The following ITFG1 variants were observed in gnomAD, a reference collection of about 807,000 sequenced individuals.
ITFG1 encodes the protein T-cell immunomodulatory protein.
In ITFG1, 34 loss-of-function variants were observed where a neutral mutation model predicts 81.8. That is an observed-to-expected ratio of 0.42 (90% CI 0.32 to 0.55). The LOEUF (loss-of-function observed/expected upper bound fraction) is 0.55, where lower values mean the gene tolerates loss of function less well. Among genes scored for constraint, ITFG1 ranks in the 20% least tolerant of loss-of-function variants. The pLI, the probability that ITFG1 is intolerant of heterozygous loss-of-function variation, is 0.17. For synonymous variants in ITFG1, 285 were observed against 270.6 expected (o/e 1.05, Z -0.52); for missense variants, 672 against 755.4 (o/e 0.89, Z 1.29).
intron 6 of ITFG1, among the ~76,000 whole-genome samples, chr16:47,376,198 CT>C (rs1026268782): frequency 5.9e-5 from 9 of 151,876 alleles, no homozygotes; most frequent in African/African-American, 2.2e-4. Context: ...ATGTGTCGCA[CT>C]TTTTTTAAAT....
intron 8 of ITFG1, among the ~76,000 whole-genome samples, chr16:47,345,678 G>C (rs972935162): frequency 6.6e-6 from 1 of 152,278 alleles, no homozygotes; most frequent in Non-Finnish European, 1.5e-5. Context: ...TGCAGCCCAC[G>C]GGCTGCAGGT....
intron 8 of ITFG1, among the ~76,000 whole-genome samples, chr16:47,324,731 CAAAG>C (rs1314164778): frequency 6.6e-6 from 1 of 152,092 alleles, no homozygotes; most frequent in Non-Finnish European, 1.5e-5. Flanking sequence ...TCAAAAGAGA[CAAAG>C]AAGGCCACTA....
chr16:47,339,617 T>A (rs1246851573), intron 8 of ITFG1, among the ~76,000 whole-genome samples: 2 of 152,122 alleles, frequency 1.3e-5, no homozygotes, highest in Non-Finnish European at 2.9e-5. Flanking sequence ...ACAGCAGATT[T>A]GAACAGGCAC....
intron 13 of ITFG1, among the ~76,000 whole-genome samples, chr16:47,225,473 C>T (rs1208830860): frequency 6.6e-6 from 1 of 152,184 alleles, no homozygotes; most frequent in African/African-American, 2.4e-5. Flanking sequence ...CACCAAGATA[C>T]ATCACAGTCA....
At chr16:47,208,891 G>A (rs1965532147) in intron 14 of ITFG1, among the ~76,000 whole-genome samples, 1 of 152,144 alleles carries the variant, frequency 6.6e-6, no homozygotes, top group Non-Finnish European at 1.5e-5. Flanking sequence ...TACAATGCAG[G>A]GAGGGGAGAG....
intron 13 of ITFG1, 56 bp downstream of exon 13, chr16:47,237,909 C>A: frequency 2.6e-6 from 2 of 757,192 alleles, no homozygotes; most frequent in South Asian, 3.2e-5. Context: ...TTGTGTGTGT[C>A]TACTTATACA....
At chr16:47,340,936 T>A (rs1451245227) in intron 8 of ITFG1, among the ~76,000 whole-genome samples, 1 of 151,906 alleles carries the variant, frequency 6.6e-6, no homozygotes, top group Non-Finnish European at 1.5e-5. Flanking sequence ...CAAGAAGATA[T>A]AACAACTGTA....
chr16:47,273,406 GA>G (rs1418731354), intron 10 of ITFG1, among the ~76,000 whole-genome samples: 2 of 152,170 alleles, frequency 1.3e-5, no homozygotes, highest in Admixed American at 1.3e-4. Context: ...GGTAAGTGCA[GA>G]ATGCTTAGCT....
chr16:47,222,341 T>G (rs1316618725), intron 13 of ITFG1, among the ~76,000 whole-genome samples: 1 of 152,024 alleles, frequency 6.6e-6, no homozygotes, highest in African/African-American at 2.4e-5. Flanking sequence ...CATTTCATTA[T>G]GTACCCAGTA....
At chr16:47,244,318 C>T (rs1246238177) in intron 12 of ITFG1, among the ~76,000 whole-genome samples, 1 of 152,074 alleles carries the variant, frequency 6.6e-6, no homozygotes, top group East Asian at 1.9e-4. Flanking sequence ...AAGTACAGGT[C>T]CTGACCTGGG....
At chr16:47,445,462 T>C (rs1001660470) in intron 5 of ITFG1, among the ~76,000 whole-genome samples, 1 of 152,148 alleles carries the variant, frequency 6.6e-6, no homozygotes, top group South Asian at 2.1e-4. Context: ...GAAGTTGACA[T>C]GCTTAAAATG....
intron 10 of ITFG1, among the ~76,000 whole-genome samples, chr16:47,302,959 G>A (rs1157268303): frequency 1.3e-5 from 2 of 152,170 alleles, no homozygotes; most frequent in Non-Finnish European, 2.9e-5. Context: ...TTTAGATTTA[G>A]TGACAAATAT....
chr16:47,222,378 T>TCCATGCAG (rs1251716582), intron 13 of ITFG1, among the ~76,000 whole-genome samples: 2 of 151,982 alleles, frequency 1.3e-5, no homozygotes, highest in African/African-American at 4.8e-5. Flanking sequence ...TTGTTCAGTT[T>TCCATGCAG]CCATGCAGTT....
intron 8 of ITFG1, among the ~76,000 whole-genome samples, chr16:47,329,784 C>G (rs1276643568): frequency 6.6e-6 from 1 of 152,036 alleles, no homozygotes; most frequent in Admixed American, 6.6e-5. Flanking sequence ...CCCATGAACA[C>G]AGATTTAGTA....
chr16:47,437,029 C>G (rs1267703804), intron 5 of ITFG1, among the ~76,000 whole-genome samples: 1 of 151,964 alleles, frequency 6.6e-6, no homozygotes, highest in Non-Finnish European at 1.5e-5. Context: ...GTATCTTTGC[C>G]AATAATATAC....
chr16:47,357,764 T>C (rs941023151), intron 8 of ITFG1, among the ~76,000 whole-genome samples: 33 of 152,108 alleles, frequency 2.2e-4, no homozygotes, highest in Admixed American at 7.9e-4. Flanking sequence ...TCCAGGGATA[T>C]AGAGTCCTAG....
chr16:47,260,778 G>A, intron 10 of ITFG1, 83 bp from the exon 11 acceptor site: 2 of 1,404,716 alleles, frequency 1.4e-6, no homozygotes, highest in South Asian at 2.4e-5. Flanking sequence ...AGATTAAAAG[G>A]AGACGGTAAA....
At chr16:47,360,589 C>A (rs1349769935) in intron 8 of ITFG1, among the ~76,000 whole-genome samples, 1 of 152,118 alleles carries the variant, frequency 6.6e-6, no homozygotes, top group Non-Finnish European at 1.5e-5. Context: ...ATAATATAAT[C>A]ATCACCTGTT....
chr16:47,369,465 G>A (rs975816874), intron 7 of ITFG1, among the ~76,000 whole-genome samples: 3 of 152,182 alleles, frequency 2.0e-5, no homozygotes, highest in African/African-American at 2.4e-5. Flanking sequence ...AAAATGCAAC[G>A]TATCAGGCAC....
Sources: allele counts gnomAD v4.1 joint callset (sites outside exome capture counted in the v4.1 genomes callset), GRCh38; gene constraint gnomAD v4.1.1; transcripts MANE v1.5; gene names NCBI Gene and HGNC (gene_info 2026-07-23, HGNC 2026-07-21).